The following CATSPERT variants were observed in gnomAD, a reference collection of about 807,000 sequenced individuals.
CATSPERT encodes catsper channel auxiliary subunit tau, also known as cation channel sperm-associated targeting subunit tau.
At chr2:201,494,341 T>G in the CATSPERT span, 1 of 1,537,084 alleles carries the variant, frequency 6.5e-7, no homozygotes, top group Non-Finnish European at 8.7e-7. Flanking sequence ...TTTTAAATAT[T>G]CTATATGGGG....
chr2:201,576,715 T>C, the CATSPERT span, among the ~76,000 whole-genome samples: 11 of 152,218 alleles, frequency 7.2e-5, no homozygotes, highest in African/African-American at 2.7e-4. Context: ...ACTGGCTCCT[T>C]GGGAACTCCA....
chr2:201,565,819 A>G, the CATSPERT span: 1 of 1,611,482 alleles, frequency 6.2e-7, no homozygotes, highest in Non-Finnish European at 8.5e-7. Flanking sequence ...AGTAACATTC[A>G]GGTCTGGGGA....
At chr2:201,616,291 C>T in the CATSPERT span, among the ~76,000 whole-genome samples, 1 of 152,138 alleles carries the variant, frequency 6.6e-6, no homozygotes, top group African/African-American at 2.4e-5. Flanking sequence ...TGATGAACAT[C>T]GATGCAAAAA....
the CATSPERT span, among the ~76,000 whole-genome samples, chr2:201,552,495 G>C: frequency 6.6e-6 from 1 of 152,154 alleles, no homozygotes; most frequent in East Asian, 1.9e-4. Context: ...AAGAAAAGAA[G>C]AAAGAAAAAT....
At chr2:201,558,071 C>T in the CATSPERT span, 15 of 152,314 alleles carry the variant, frequency 9.8e-5, no homozygotes, top group East Asian at 1.5e-3. Flanking sequence ...ATAACCTGAG[C>T]GCTTTTAATT....
At chr2:201,607,364 T>C in the CATSPERT span, among the ~76,000 whole-genome samples, 1 of 152,188 alleles carries the variant, frequency 6.6e-6, no homozygotes, top group Non-Finnish European at 1.5e-5. Flanking sequence ...GAAATTAATA[T>C]AAATAGGTCA....
At chr2:201,526,252 C>G in the CATSPERT span, among the ~76,000 whole-genome samples, 2 of 152,134 alleles carry the variant, frequency 1.3e-5, no homozygotes, top group Non-Finnish European at 2.9e-5. Flanking sequence ...GGCATGGTGG[C>G]TCACACCTGT....
chr2:201,558,543 G>A, the CATSPERT span, among the ~76,000 whole-genome samples: 1 of 152,214 alleles, frequency 6.6e-6, no homozygotes, highest in South Asian at 2.1e-4. Context: ...ACACAGGAGG[G>A]ACTTCCCATT....
the CATSPERT span, chr2:201,565,704 AATT>A: frequency 1.7e-6 from 2 of 1,170,110 alleles, no homozygotes; most frequent in Non-Finnish European, 2.3e-6. Flanking sequence ...AGCTCTTTTG[AATT>A]TTTTTTTTTT....
chr2:201,498,497 A>G, the CATSPERT span, among the ~76,000 whole-genome samples: 1 of 152,112 alleles, frequency 6.6e-6, no homozygotes, highest in East Asian at 1.9e-4. Context: ...CTGACTGGAC[A>G]GTGCCCACCC....
At chr2:201,619,140 T>A in the CATSPERT span, 26 of 1,613,618 alleles carry the variant, frequency 1.6e-5, no homozygotes, top group African/African-American at 4.0e-5. Context: ...TCTCTCCATC[T>A]TCTGCGGCCT....
At chr2:201,492,763 C>T in the CATSPERT span, 1,010 of 1,535,400 alleles carry the variant, frequency 6.6e-4, 7 homozygotes, top group African/African-American at 0.012. Flanking sequence ...ACTGTTTGGC[C>T]CTTTCTGCTC....
chr2:201,493,743 C>A, the CATSPERT span: 2 of 1,537,156 alleles, frequency 1.3e-6, no homozygotes, highest in East Asian at 4.9e-5. Flanking sequence ...TGAATATTTG[C>A]CTCATAATGT....
At chr2:201,589,481 C>A in the CATSPERT span, among the ~76,000 whole-genome samples, 24 of 152,124 alleles carry the variant, frequency 1.6e-4, no homozygotes, top group Middle Eastern at 3.4e-3. Context: ...CTTTGACAAA[C>A]CTGACAAAAA....
the CATSPERT span, among the ~76,000 whole-genome samples, chr2:201,608,005 C>CT: frequency 6.6e-6 from 1 of 152,188 alleles, no homozygotes; most frequent in Non-Finnish European, 1.5e-5. Flanking sequence ...TGTCATGTAG[C>CT]TCTAGCAACA....
chr2:201,597,226 T>C, the CATSPERT span, among the ~76,000 whole-genome samples: 1 of 152,194 alleles, frequency 6.6e-6, no homozygotes, highest in Non-Finnish European at 1.5e-5. Context: ...GACTATTTAA[T>C]GAGAACTCTC....
At chr2:201,597,200 CT>C in the CATSPERT span, among the ~76,000 whole-genome samples, 2 of 152,084 alleles carry the variant, frequency 1.3e-5, no homozygotes, top group African/African-American at 4.8e-5. Flanking sequence ...TTTCTGGGAT[CT>C]CAACAGAATT....
the CATSPERT span, among the ~76,000 whole-genome samples, chr2:201,497,129 T>A: frequency 1.3e-5 from 2 of 152,238 alleles, no homozygotes; most frequent in Non-Finnish European, 2.9e-5. Context: ...ACATTTTTAT[T>A]AGAGATACTT....
chr2:201,594,370 C>G, the CATSPERT span, among the ~76,000 whole-genome samples: 4 of 152,200 alleles, frequency 2.6e-5, no homozygotes, highest in African/African-American at 9.7e-5. Flanking sequence ...ATGGGCTTCC[C>G]TTTGAGGGTA....
Sources: gnomAD v4.1 joint callset for allele counts (sites outside exome capture counted in the v4.1 genomes callset) on GRCh38, gnomAD v4.1.1 for gene constraint, MANE v1.5 for transcripts, NCBI Gene and HGNC (gene_info 2026-07-23, HGNC 2026-07-21) for gene names.